The following UBA6 variants were observed in gnomAD, a reference collection of about 807,000 sequenced individuals.
UBA6 encodes the protein ubiquitin-like modifier-activating enzyme 6.
UBA6 carries 87 observed loss-of-function variants against 148.3 expected under a neutral mutation model. The observed-to-expected ratio is 0.59, with a 90% CI of 0.49 to 0.70. The LOEUF is 0.70. UBA6 is among the 30% of genes least tolerant of loss of function. The pLI, the probability that UBA6 is intolerant of heterozygous loss-of-function variation, is 0.00. For synonymous variants in UBA6, 376 were observed against 401.0 expected, an observed-to-expected ratio of 0.94 and a Z score of 0.75; for missense variants, 1,186 against 1,241.2, an observed-to-expected ratio of 0.96 and a Z score of 0.67.
chr4:67,673,674 T>G, intron 7 of UBA6, 23 bp downstream of exon 7: 1 of 1,549,848 alleles, frequency 6.5e-7, no homozygotes, highest in Non-Finnish European at 8.9e-7. Context: ...TAACTACATG[T>G]CATTACTAAA....
In UBA6 at chr4:67,677,614, G is replaced by C; in HGVS notation, c.462C>G (p.Tyr154Ter). The change falls in exon 6 of 33, where the codon TAC becomes TAG. Residue 154 changes from tyrosine (Y) to a stop codon, truncating the protein, a stop_gained. Coordinates refer to ENST00000322244, the MANE Select transcript of UBA6 (RefSeq NM_018227.6). LOFTEE classifies it high-confidence loss of function. ...TAATACAAAATGGAGTACTAACCTG[G>C]TATTTATCTAAAAAGGAGAGATCTG... ...ETTDLSFLDKYQCVVLTEMKL... is the reference protein window; with the variant it reads ...ETTDLSFLDK The C allele has an allele frequency of 6.7e-7, 1 of 1,494,208 alleles. No individual in the cohort carries two copies. The highest frequency in any genetic ancestry group is 2.3e-5 in the East Asian group (1 of 43,610). The allele number at this position is 1,494,208 out of a possible 1,614,324, so 92.6% of individuals were successfully genotyped here. A position where few individuals can be genotyped will look rare whatever the true frequency, so the allele number is the denominator to read the frequency against.
intron 13 of UBA6, among the ~76,000 whole-genome samples, chr4:67,660,966 G>A (rs1047337707): frequency 2.0e-5 from 3 of 152,176 alleles, no homozygotes; most frequent in African/African-American, 7.2e-5. Flanking sequence ...TTTAATGATT[G>A]CCCTATGGGA....
At chr4:67,644,953 T>C (rs1729389083) in intron 16 of UBA6, among the ~76,000 whole-genome samples, 175 bp from the exon 17 acceptor site, 1 of 152,026 alleles carries the variant, frequency 6.6e-6, no homozygotes, top group Non-Finnish European at 1.5e-5. Flanking sequence ...ATTTAAAAAT[T>C]CCAAATAAAA....
chr4:67,651,146 C>T (rs1729545420), intron 13 of UBA6, among the ~76,000 whole-genome samples: 1 of 152,044 alleles, frequency 6.6e-6, no homozygotes, highest in Admixed American at 6.6e-5. Context: ...ATTTCAGCTA[C>T]TGAAAATCCA....
chr4:67,663,015 T>G, intron 12 of UBA6, 124 bp downstream of exon 12: 1 of 575,918 alleles, frequency 1.7e-6, no homozygotes, highest in Non-Finnish European at 2.9e-6. Context: ...AATAAATGTT[T>G]GCACAGCTTG....
At chr4:67,693,339 T>G (rs1560504032) in intron 2 of UBA6, among the ~76,000 whole-genome samples, 1 of 151,618 alleles carries the variant, frequency 6.6e-6, no homozygotes, top group Non-Finnish European at 1.5e-5. Flanking sequence ...TGTGTATATA[T>G]ATATATACAG....
At chr4:67,621,215 C>A (rs1438912970) in intron 32 of UBA6, among the ~76,000 whole-genome samples, 1 of 152,130 alleles carries the variant, frequency 6.6e-6, no homozygotes, top group Non-Finnish European at 1.5e-5. Context: ...TAATATAAGG[C>A]AAATTAATGC....
At chr4:67,620,919 T>C (rs1166211092) in intron 32 of UBA6, among the ~76,000 whole-genome samples, 2 of 152,222 alleles carry the variant, frequency 1.3e-5, no homozygotes, top group African/African-American at 4.8e-5. Context: ...AACCTCATGC[T>C]ATTAATCATA....
chr4:67,645,596 CAG>C (rs1560485238), intron 16 of UBA6, among the ~76,000 whole-genome samples: 6 of 133,420 alleles, frequency 4.5e-5, no homozygotes, highest in Non-Finnish European at 4.9e-5. Flanking sequence ...GACTTTGTCT[CAG>C]AAAAAAAAAA....
rs1469874149 is a variant in UBA6 at position 67,663,940 on chromosome 4, A to T, written c.905T>A (p.Leu302Gln). The T allele has an allele frequency of 6.2e-7, 1 of 1,612,486 alleles. No homozygotes were observed. The highest frequency in any genetic ancestry group is 2.2e-5 in the East Asian group (1 of 44,782). The change falls in exon 11 of 33, where the codon CTG becomes CAG. Residue 302 changes from leucine (L) to glutamine (Q), a missense_variant. Physicochemically the swap from Leu to Gln is moderately radical, Grantham distance 113 (BLOSUM62 -2). Transcript: ENST00000322244. Reference protein sequence around the residue: ...KTPKTVFFESLERQLKHPKCL... With the variant: ...KTPKTVFFESQERQLKHPKCL... The stretch of plus-strand genomic sequence containing the variant: ...CTTTGGATGTTTTAACTGCCTCTCC[A>T]GTGATTCCTGATAGGAAGGAAAAAG...
At chr4:67,656,336 T>A (rs1164560843) in intron 13 of UBA6, among the ~76,000 whole-genome samples, 1 of 152,184 alleles carries the variant, frequency 6.6e-6, no homozygotes, top group Non-Finnish European at 1.5e-5. Flanking sequence ...TCCAACATGA[T>A]CAACTCGGCT....
chr4:67,680,390 T>G (rs1288475368), intron 4 of UBA6, among the ~76,000 whole-genome samples: 1 of 152,224 alleles, frequency 6.6e-6, no homozygotes, highest in Non-Finnish European at 1.5e-5. Context: ...CTGGATTCTC[T>G]GGCTATAACT....
chr4:67,658,521 G>C (rs1429291304), intron 13 of UBA6, among the ~76,000 whole-genome samples: 1 of 152,100 alleles, frequency 6.6e-6, no homozygotes, highest in African/African-American at 2.4e-5. Context: ...GATACACTGA[G>C]GGGAACAACA....
At chr4:67,676,162 T>G (rs1019019908) in intron 6 of UBA6, among the ~76,000 whole-genome samples, 1 of 151,944 alleles carries the variant, frequency 6.6e-6, no homozygotes, top group African/African-American at 2.4e-5. Flanking sequence ...TAGCTGGGAT[T>G]ACAGGCATGC....
At chr4:67,694,644 G>T (rs1577844951) in intron 2 of UBA6, among the ~76,000 whole-genome samples, 3 of 152,154 alleles carry the variant, frequency 2.0e-5, no homozygotes, top group Admixed American at 2.0e-4. Flanking sequence ...TGATCCACCC[G>T]CCTCGGCCTC....
At chr4:67,653,331 G>T (rs976138116) in intron 13 of UBA6, among the ~76,000 whole-genome samples, 3 of 152,178 alleles carry the variant, frequency 2.0e-5, no homozygotes, top group African/African-American at 7.2e-5. Flanking sequence ...GCTTCCAGAG[G>T]AAGGATCAGG....
chr4:67,670,668 A>C (rs1382418293), intron 7 of UBA6, 76 bp from the exon 8 acceptor site: 1 of 1,142,594 alleles, frequency 8.8e-7, no homozygotes, highest in East Asian at 2.4e-5. Flanking sequence ...GCCATTTCAT[A>C]ACAATTTAAT....
At chr4:67,695,131 T>C (rs1405503379) in intron 2 of UBA6, among the ~76,000 whole-genome samples, 1 of 152,168 alleles carries the variant, frequency 6.6e-6, no homozygotes, top group Non-Finnish European at 1.5e-5. Context: ...AAAAAATGAA[T>C]AAAATTAGTC....
At chr4:67,694,215 CAAAAAAAAAAAAAAAAAAAA>C (rs769649769) in intron 2 of UBA6, among the ~76,000 whole-genome samples, 1 of 41,852 alleles carries the variant, frequency 2.4e-5, no homozygotes, top group African/African-American at 9.7e-5. Flanking sequence ...GACTCCATCT[CAAAAAAAAAAAAAAAAAAAA>C]AAAAAAAAAG....
Sources: gnomAD v4.1 joint callset for allele counts (sites outside exome capture counted in the v4.1 genomes callset) on GRCh38, gnomAD v4.1.1 for gene constraint, MANE v1.5 for transcripts, NCBI Gene and HGNC (gene_info 2026-07-23, HGNC 2026-07-21) for gene names.